SFXN5: variants seen among roughly 807,000 people sequenced by gnomAD.
SFXN5 encodes sideroflexin 5.
Under a neutral mutation model 50.2 loss-of-function variants are expected in SFXN5, and 43 were observed. The observed-to-expected ratio is 0.86, with a 90% confidence interval of 0.67 to 1.11. The LOEUF is 1.11. SFXN5 is among the 50% of genes least tolerant of loss of function. The probability of loss-of-function intolerance (pLI) is 0.00; values close to 1 mark genes in which losing one functional copy is unlikely to be tolerated. For missense variants in SFXN5, 463 were observed against 454.1 expected (o/e 1.02, Z -0.18); for synonymous variants, 203 against 185.8 (o/e 1.09, Z -0.75).
At chr2:73,006,438 G>A (rs955501240) in intron 6 of SFXN5, among the ~76,000 whole-genome samples, 5 of 152,078 alleles carry the variant, frequency 3.3e-5, no homozygotes, top group Non-Finnish European at 5.9e-5. Flanking sequence ...CCTGGCCAAC[G>A]TGGCGAAACC....
chr2:72,996,048 GA>G (rs1425227838), intron 9 of SFXN5, among the ~76,000 whole-genome samples: 3 of 152,196 alleles, frequency 2.0e-5, no homozygotes, highest in Admixed American at 2.0e-4. Context: ...CTCCATGGGG[GA>G]GAAGCCATGG....
intron 10 of SFXN5, among the ~76,000 whole-genome samples, chr2:72,985,398 G>A (rs1019672446): frequency 3.3e-5 from 5 of 152,170 alleles, no homozygotes; most frequent in Non-Finnish European, 7.3e-5. Context: ...GCCAAGTACA[G>A]GGACTGGACG....
Position 73,012,649 on chromosome 2 carries a change from AACACACACACACAC to A in SFXN5, c.357+7576_357+7589del, listed in dbSNP as rs57635824. On this transcript the variant is annotated intron_variant, in intron 6 of 13. Transcript: ENST00000272433. ...GTTCTAAAGGGTATTCTAGCCAAACAACACACACACACACACACACACACACACACACACACACA... is the reference window on the plus strand; with the variant it reads ...GTTCTAAAGGGTATTCTAGCCAAACAACACACACACACACACACACACACA... Among the ~76,000 whole-genome samples the A allele has an allele frequency of 7.1e-4, 89 of 125,918 alleles. 1 individual carries two copies. Among genetic ancestry groups the A allele is most frequent in the African/African-American group, 1.9e-3 (63 of 33,938 alleles). The allele number at this position is 125,918 out of a possible 152,430, so 82.6% of individuals were successfully genotyped here. A position where few individuals can be genotyped will look rare whatever the true frequency, so the allele number is the denominator to read the frequency against.
intron 13 of SFXN5, among the ~76,000 whole-genome samples, chr2:72,958,190 A>C (rs998649865): frequency 6.6e-6 from 1 of 152,072 alleles, no homozygotes; most frequent in African/African-American, 2.4e-5. Context: ...GCTCTTCTAG[A>C]CCGTTTCCTA....
chr2:73,002,658 A>G (rs1387498512), intron 6 of SFXN5, among the ~76,000 whole-genome samples: 4 of 151,492 alleles, frequency 2.6e-5, no homozygotes, highest in African/African-American at 9.8e-5. Flanking sequence ...TTAAACATTA[A>G]AATGTTTTAA....
intron 10 of SFXN5, among the ~76,000 whole-genome samples, chr2:72,972,670 T>TG (rs1241582231): frequency 6.6e-6 from 1 of 150,740 alleles, no homozygotes; most frequent in Non-Finnish European, 1.5e-5. Flanking sequence ...AGGATGGAAG[T>TG]GGGGGGACCT....
intron 6 of SFXN5, chr2:73,020,015 A>G: frequency 1.9e-6 from 1 of 516,760 alleles, no homozygotes; most frequent in East Asian, 3.4e-5. Flanking sequence ...GCAATTTTCA[A>G]CTCAACGCTG....
At chr2:73,055,214 T>C (rs919105645) in intron 2 of SFXN5, among the ~76,000 whole-genome samples, 1 of 152,244 alleles carries the variant, frequency 6.6e-6, no homozygotes, top group African/African-American at 2.4e-5. Flanking sequence ...GGGCCAAAGC[T>C]CAGGCCTTCT....
chr2:72,955,255 G>C (rs957875400), intron 13 of SFXN5, among the ~76,000 whole-genome samples: 1 of 146,028 alleles, frequency 6.8e-6, no homozygotes, highest in African/African-American at 2.8e-5. Flanking sequence ...TTAGTTCCCT[G>C]TCACCACGGC....
At chr2:72,948,847 C>T (rs1672229375) in intron 13 of SFXN5, among the ~76,000 whole-genome samples, 1 of 152,204 alleles carries the variant, frequency 6.6e-6, no homozygotes, top group African/African-American at 2.4e-5. Context: ...CTCCTGTCAG[C>T]AGATGTTGAT....
At chr2:73,011,154 A>C (rs1675451596) in intron 6 of SFXN5, among the ~76,000 whole-genome samples, 1 of 152,228 alleles carries the variant, frequency 6.6e-6, no homozygotes, top group Non-Finnish European at 1.5e-5. Flanking sequence ...CCTCAGCTCA[A>C]GTAATCCTCC....
At chr2:73,008,741 G>A (rs187633127) in intron 6 of SFXN5, among the ~76,000 whole-genome samples, 17 of 152,274 alleles carry the variant, frequency 1.1e-4, no homozygotes, top group Non-Finnish European at 2.5e-4. Context: ...TCAGTGCACC[G>A]GCATAGCCGC....
At chr2:72,980,516 A>T (rs752298954) in intron 10 of SFXN5, among the ~76,000 whole-genome samples, 4 of 152,118 alleles carry the variant, frequency 2.6e-5, no homozygotes, top group Admixed American at 6.5e-5. Context: ...AGCAGCACAA[A>T]TTTTCTCTTA....
At chr2:72,984,557 T>C (rs1671677613) in intron 10 of SFXN5, among the ~76,000 whole-genome samples, 1 of 152,290 alleles carries the variant, frequency 6.6e-6, no homozygotes. Flanking sequence ...GTATCACTTT[T>C]AGCAAGTCTG....
intron 1 of SFXN5, among the ~76,000 whole-genome samples, chr2:73,067,634 G>A (rs536394268): frequency 2.8e-4 from 43 of 152,260 alleles, no homozygotes; most frequent in African/African-American, 1.0e-3. Flanking sequence ...TGGGTTCAAT[G>A]AAATGATGGG....
chr2:73,065,350 C>T (rs1189707596), intron 1 of SFXN5, among the ~76,000 whole-genome samples: 1 of 152,186 alleles, frequency 6.6e-6, no homozygotes, highest in African/African-American at 2.4e-5. Context: ...ATCCTCCTGC[C>T]TTGGCCTCTC....
intron 2 of SFXN5, among the ~76,000 whole-genome samples, chr2:73,042,902 T>C (rs903099721): frequency 6.8e-6 from 1 of 147,438 alleles, no homozygotes; most frequent in African/African-American, 2.5e-5. Context: ...CCCATCTCTA[T>C]TAAAAATACA....
intron 12 of SFXN5, among the ~76,000 whole-genome samples, chr2:72,968,168 C>A (rs1440942180): frequency 1.4e-5 from 2 of 144,360 alleles, no homozygotes; most frequent in African/African-American, 5.3e-5. Context: ...CACACACACA[C>A]AACTGCCAGC....
intron 3 of SFXN5, among the ~76,000 whole-genome samples, chr2:73,027,423 T>C (rs1435550760): frequency 6.6e-6 from 1 of 152,242 alleles, no homozygotes; most frequent in Non-Finnish European, 1.5e-5. Context: ...GTTTTTAAAA[T>C]GTACAAGTTT....
Sources: gnomAD v4.1 joint callset for allele counts (sites outside exome capture counted in the v4.1 genomes callset) on GRCh38, gnomAD v4.1.1 for gene constraint, MANE v1.5 for transcripts, NCBI Gene and HGNC (gene_info 2026-07-23, HGNC 2026-07-21) for gene names.